GPC3: variants seen among roughly 807,000 people sequenced by gnomAD.
GPC3 encodes glypican 3.
A neutral mutation model predicts 34.4 loss-of-function variants in GPC3; 3 were observed. The ratio of observed to expected loss-of-function variants is 0.09; its 90% CI spans 0.04 to 0.23. The LOEUF (loss-of-function observed/expected upper bound fraction) is 0.23. Ranked by LOEUF, GPC3 falls within the 10% of genes least tolerant of loss-of-function variation. The pLI is 1.00. For synonymous variants in GPC3, 177 were observed against 174.0 expected (o/e 1.02, Z -0.13); for missense variants, 351 against 445.6 (o/e 0.79, Z 1.91).
rs575428994 is a variant in GPC3, at chrX:133,808,779, G to C, written c.338-54603C>G. Among the ~76,000 whole-genome samples the C allele has an allele frequency of 1.9e-3, 209 of 110,216 alleles. 6 individuals are homozygous for C. In the South Asian group the frequency reaches 0.08, roughly 42 times the overall value. On this transcript the variant is annotated intron_variant, in intron 2 of 7. Transcript: ENST00000370818. Reference sequence around the variant, plus strand: ...AAAAACAGAAAACAAACAAATACCTGTTCTAACTTTGAAAATGTATAATCC... The same window carrying C: ...AAAAACAGAAAACAAACAAATACCTCTTCTAACTTTGAAAATGTATAATCC...
intron 5 of GPC3, among the ~76,000 whole-genome samples, chrX:133,667,362 T>C (rs1367994422): frequency 8.9e-6 from 1 of 112,068 alleles, no homozygotes; most frequent in African/African-American, 3.2e-5. Context: ...CTGACTCAGA[T>C]GCACATCTCA....
rs1469481964 is a variant in GPC3, at chrX:133,699,941, T to C, written c.1120A>G (p.Lys374Glu). The C allele has an allele frequency of 8.3e-7, 1 of 1,202,115 alleles. No homozygotes were observed. Among genetic ancestry groups the C allele is most frequent in the Admixed American group, 2.2e-5 (1 of 45,954 alleles). ...TCTTCATGTTCTACATGAGCAACTTTTAATACTTTCTTGTCAATAAAGAGA... is the reference window on the plus strand; with the variant it reads ...TCTTCATGTTCTACATGAGCAACTTCTAATACTTTCTTGTCAATAAAGAGA... Reference protein sequence around the residue: ...EDLFIDKKVLKVAHVEHEETL... With the variant: ...EDLFIDKKVLEVAHVEHEETL... Residue 374 changes from lysine (K) to glutamate (E), a missense_variant, in exon 4 of 8, where the codon AAA becomes GAA. Transcript: ENST00000370818.
chrX:133,970,109 G>A (rs2076484266), intron 1 of GPC3, among the ~76,000 whole-genome samples: 1 of 111,679 alleles, frequency 9.0e-6, no homozygotes, highest in Non-Finnish European at 1.9e-5. Flanking sequence ...CTCAGGTTTT[G>A]ACCTGTACTC....
chrX:133,554,381 A>T, intron 7 of GPC3, among the ~76,000 whole-genome samples: 1 of 108,320 alleles, frequency 9.2e-6, no homozygotes, highest in Admixed American at 1.0e-4. Flanking sequence ...TGATGCAATC[A>T]TGGCTCATTG....
At chrX:133,538,818 C>T (rs1237052451) in intron 7 of GPC3, among the ~76,000 whole-genome samples, 1 of 102,232 alleles carries the variant, frequency 9.8e-6, no homozygotes, top group Non-Finnish European at 2.0e-5. Context: ...ATGGCAAAAC[C>T]CCGTCTCCAG....
intron 2 of GPC3, among the ~76,000 whole-genome samples, chrX:133,845,266 T>C (rs2075842855): frequency 8.9e-6 from 1 of 111,754 alleles, no homozygotes; most frequent in Non-Finnish European, 1.9e-5. Flanking sequence ...GGAGAATGCA[T>C]AGCTGCAAAC....
chrX:133,763,683 A>G, intron 2 of GPC3: 2 of 567,674 alleles, frequency 3.5e-6, no homozygotes, highest in Non-Finnish European at 6.1e-6. Flanking sequence ...GTTAGTCTTA[A>G]GCTGTTCTTA....
At chrX:133,693,338 G>C (rs1187948279) in intron 4 of GPC3, among the ~76,000 whole-genome samples, 1 of 110,890 alleles carries the variant, frequency 9.0e-6, no homozygotes, top group Non-Finnish European at 1.9e-5. Flanking sequence ...GATACACAAA[G>C]TAATATGCCT....
intron 2 of GPC3, among the ~76,000 whole-genome samples, chrX:133,910,595 A>G (rs1316782435): frequency 8.9e-6 from 1 of 111,820 alleles, no homozygotes; most frequent in African/African-American, 3.3e-5. Flanking sequence ...TTATTTAACT[A>G]TTTCATTTGT....
intron 2 of GPC3, among the ~76,000 whole-genome samples, chrX:133,819,565 T>C (rs2075709244): frequency 9.0e-6 from 1 of 111,132 alleles, no homozygotes; most frequent in African/African-American, 3.3e-5. Flanking sequence ...CTTCCAGTAC[T>C]AAGCATCTAT....
chrX:133,881,534 G>T (rs1199091227), intron 2 of GPC3, among the ~76,000 whole-genome samples: 1 of 112,018 alleles, frequency 8.9e-6, no homozygotes, highest in African/African-American at 3.2e-5. Context: ...CCTACTAATT[G>T]GATACTAATG....
chrX:133,946,216 C>T (rs1268064413), intron 2 of GPC3, among the ~76,000 whole-genome samples: 1 of 111,569 alleles, frequency 9.0e-6, no homozygotes, highest in Non-Finnish European at 1.9e-5. Flanking sequence ...TGCTTATGAC[C>T]ATGAGATGAA....
intron 7 of GPC3, among the ~76,000 whole-genome samples, chrX:133,576,284 C>A (rs922141531): frequency 1.8e-5 from 2 of 111,383 alleles, no homozygotes; most frequent in Non-Finnish European, 3.8e-5. Flanking sequence ...CACTGTGTCA[C>A]CTAGGCTGGA....
chrX:133,632,585 G>A (rs1331009202), intron 6 of GPC3, among the ~76,000 whole-genome samples: 1 of 112,155 alleles, frequency 8.9e-6, no homozygotes, highest in African/African-American at 3.2e-5. Context: ...TAAATAGATA[G>A]ATAGTCCAAC....
At chrX:133,842,039 G>A (rs1040088182) in intron 2 of GPC3, among the ~76,000 whole-genome samples, 35 of 112,248 alleles carry the variant, frequency 3.1e-4, no homozygotes, top group Non-Finnish European at 4.3e-4. Flanking sequence ...ACTCCCTGCC[G>A]GGCATGGTGG....
chrX:133,855,040 A>G (rs2075893452), intron 2 of GPC3, among the ~76,000 whole-genome samples: 1 of 112,493 alleles, frequency 8.9e-6, no homozygotes, highest in Non-Finnish European at 1.9e-5. Context: ...AAAAAATACT[A>G]AAAGGAAATA....
chrX:133,719,938 T>G (rs2071347122), intron 3 of GPC3, among the ~76,000 whole-genome samples: 1 of 111,446 alleles, frequency 9.0e-6, no homozygotes, highest in Non-Finnish European at 1.9e-5. Flanking sequence ...GACAAACAAA[T>G]AGCCAACAAA....
At chrX:133,920,575 T>C (rs1461314457) in intron 2 of GPC3, among the ~76,000 whole-genome samples, 1 of 111,423 alleles carries the variant, frequency 9.0e-6, no homozygotes, top group Non-Finnish European at 1.9e-5. Context: ...TGAGCTTTTA[T>C]TGGAATATGA....
intron 2 of GPC3, among the ~76,000 whole-genome samples, chrX:133,778,897 A>G (rs774984155): frequency 3.6e-5 from 4 of 111,747 alleles, no homozygotes; most frequent in African/African-American, 9.8e-5. Flanking sequence ...AAATTTACAT[A>G]TTTTCTGCCT....
Sources: allele counts gnomAD v4.1 joint callset (sites outside exome capture counted in the v4.1 genomes callset), GRCh38; gene constraint gnomAD v4.1.1; transcripts MANE v1.5; gene names NCBI Gene and HGNC (gene_info 2026-07-23, HGNC 2026-07-21).